Variants in GSK3B observed in about 807,000 individuals in gnomAD.
GSK3B encodes glycogen synthase kinase 3 beta, also known as glycogen synthase kinase-3 beta.
A neutral mutation model predicts 56.4 loss-of-function variants in GSK3B; 15 were observed. The observed-to-expected ratio is 0.27, with a 90% CI of 0.18 to 0.41. The LOEUF is 0.41. GSK3B is among the 10% of genes least tolerant of loss of function. The pLI, the probability that GSK3B is intolerant of heterozygous loss-of-function variation, is 1.00. For missense variants in GSK3B, 300 were observed against 513.4 expected, an observed-to-expected ratio of 0.58 and a Z score of 4.02; for synonymous variants, 181 against 188.9, an observed-to-expected ratio of 0.96 and a Z score of 0.34.
chr3:119,985,314 A>G (rs184517363), intron 2 of GSK3B, among the ~76,000 whole-genome samples: 1 of 152,216 alleles, frequency 6.6e-6, no homozygotes, highest in Non-Finnish European at 1.5e-5. Context: ...CCTATTCAAC[A>G]TAGTGTTGGA....
chr3:119,926,682 C>T (rs1198721000), intron 3 of GSK3B, among the ~76,000 whole-genome samples: 1 of 152,140 alleles, frequency 6.6e-6, no homozygotes, highest in African/African-American at 2.4e-5. Context: ...TCACTGCTTA[C>T]TTTTCTCTAG....
chr3:119,969,648 G>C (rs1460000400), intron 2 of GSK3B, among the ~76,000 whole-genome samples: 1 of 152,310 alleles, frequency 6.6e-6, no homozygotes, highest in Middle Eastern at 3.4e-3. Context: ...GAGATTACTG[G>C]AACAGTAACA....
chr3:119,929,562 G>C (rs1042878835), intron 3 of GSK3B, among the ~76,000 whole-genome samples: 10 of 152,038 alleles, frequency 6.6e-5, no homozygotes, highest in Non-Finnish European at 1.3e-4. Flanking sequence ...GAGTCCAGGA[G>C]TTCACAACCA....
chr3:119,996,357 C>T (rs1219053688), intron 2 of GSK3B, among the ~76,000 whole-genome samples: 18 of 152,204 alleles, frequency 1.2e-4, no homozygotes, highest in Admixed American at 1.2e-3. Context: ...TCCCCACTTT[C>T]TCTGTCAATA....
At chr3:119,871,199 C>A (rs1044812346) in intron 8 of GSK3B, among the ~76,000 whole-genome samples, 4 of 152,088 alleles carry the variant, frequency 2.6e-5, no homozygotes, top group Non-Finnish European at 5.9e-5. Flanking sequence ...AAAAATAATT[C>A]CTTTGAAAGC....
At chr3:119,947,668 ATC>A (rs2057113398) in intron 2 of GSK3B, among the ~76,000 whole-genome samples, 1 of 152,100 alleles carries the variant, frequency 6.6e-6, no homozygotes, top group Non-Finnish European at 1.5e-5. Context: ...TAAAAATTTC[ATC>A]TTTCTAGCAA....
intron 2 of GSK3B, among the ~76,000 whole-genome samples, chr3:119,998,886 C>T (rs926319895): frequency 2.0e-5 from 3 of 152,118 alleles, no homozygotes; most frequent in Admixed American, 2.0e-4. Flanking sequence ...CTAAAGGCTA[C>T]ACAGGAAATG....
intron 1 of GSK3B, among the ~76,000 whole-genome samples, chr3:120,083,863 A>G (rs2058442060): frequency 6.6e-6 from 1 of 152,250 alleles, no homozygotes; most frequent in African/African-American, 2.4e-5. Flanking sequence ...TGGGAGAAAG[A>G]AAACAGTCAT....
At chr3:119,908,952 A>G (rs988602636) in intron 6 of GSK3B, among the ~76,000 whole-genome samples, 1 of 152,262 alleles carries the variant, frequency 6.6e-6, no homozygotes, top group African/African-American at 2.4e-5. Flanking sequence ...GTTTGCTTGT[A>G]TCAGAGAATT....
chr3:119,925,916 C>G (rs1470012045), intron 3 of GSK3B, among the ~76,000 whole-genome samples: 2 of 152,196 alleles, frequency 1.3e-5, no homozygotes, highest in African/African-American at 2.4e-5. Context: ...CCCTTCTCAT[C>G]TATTTGACTT....
At chr3:119,858,508 C>A (rs1298406541) in intron 9 of GSK3B, among the ~76,000 whole-genome samples, 1 of 152,234 alleles carries the variant, frequency 6.6e-6, no homozygotes, top group African/African-American at 2.4e-5. Flanking sequence ...CCTCACCTCT[C>A]TCAGCCCTTA....
chr3:119,942,016 G>A (rs2057054141), intron 3 of GSK3B, among the ~76,000 whole-genome samples: 1 of 152,176 alleles, frequency 6.6e-6, no homozygotes. Flanking sequence ...CCTGATCCCA[G>A]ATGCAGTGGT....
In GSK3B at chr3:119,922,789, T is replaced by C. The variant is rs1049470364; in HGVS notation, c.477+584A>G. On this transcript the variant is annotated intron_variant, in intron 4 of 10. Coordinates refer to ENST00000264235, the MANE Select transcript of GSK3B (RefSeq NM_001146156.2). ...CACAATGCCATAGTTAATAAAATAA[T>C]TTGTTACTAATAACTAACCACAACT... is the stretch of plus-strand genomic sequence containing the variant. 2.0e-5 allele frequency among the ~76,000 whole-genome samples: 3 copies of C among 152,270 alleles called. No homozygotes were observed. The South Asian group carries it at 6.2e-4, about 32-fold the overall frequency.
intron 9 of GSK3B, among the ~76,000 whole-genome samples, chr3:119,861,370 G>A (rs1307718069): frequency 1.3e-5 from 2 of 151,968 alleles, no homozygotes; most frequent in Non-Finnish European, 2.9e-5. Flanking sequence ...AATTAGCCAG[G>A]TATGGTGGCA....
intron 2 of GSK3B, among the ~76,000 whole-genome samples, chr3:119,964,996 A>G (rs1301877615): frequency 6.6e-6 from 1 of 151,706 alleles, no homozygotes; most frequent in Non-Finnish European, 1.5e-5. Flanking sequence ...ACAAATCAAA[A>G]GCAAAATAAT....
chr3:119,853,234 A>G (rs2055964103), intron 9 of GSK3B, among the ~76,000 whole-genome samples: 1 of 152,148 alleles, frequency 6.6e-6, no homozygotes, highest in Non-Finnish European at 1.5e-5. Context: ...AGATGGTTGT[A>G]GATTGTGATA....
At chr3:119,903,318 T>G (rs2107443920) in intron 7 of GSK3B, among the ~76,000 whole-genome samples, 1 of 152,272 alleles carries the variant, frequency 6.6e-6, no homozygotes. Context: ...TCTTATATCA[T>G]TATCAAAACT....
chr3:119,912,845 T>C, intron 5 of GSK3B, 35 bp from the exon 6 acceptor site: 1 of 1,114,068 alleles, frequency 9.0e-7, no homozygotes, highest in Non-Finnish European at 1.3e-6. Context: ...AAAGCAGAAA[T>C]TCTTTAAATC....
intron 1 of GSK3B, among the ~76,000 whole-genome samples, chr3:120,021,409 G>A (rs1346683726): frequency 4.0e-5 from 6 of 151,768 alleles, no homozygotes; most frequent in African/African-American, 9.7e-5. Flanking sequence ...CCAGCTACTC[G>A]GGAGGCTGAG....
Sources: allele counts gnomAD v4.1 joint callset (sites outside exome capture counted in the v4.1 genomes callset), GRCh38; gene constraint gnomAD v4.1.1; transcripts MANE v1.5; gene names NCBI Gene and HGNC (gene_info 2026-07-23, HGNC 2026-07-21).